RNF121: variants seen among roughly 807,000 people sequenced by gnomAD.
RNF121 encodes the protein ring finger protein 121, also known as E3 ubiquitin ligase RNF121.
Under a neutral mutation model 46.5 loss-of-function variants are expected in RNF121, and 21 were observed. That is an observed-to-expected ratio of 0.45 (90% CI 0.32 to 0.65). The LOEUF (loss-of-function observed/expected upper bound fraction) is 0.65, where lower values mean the gene tolerates loss of function less well. Ranked by LOEUF, RNF121 falls within the 30% of genes least tolerant of loss-of-function variation. The pLI is 0.04. For missense variants in RNF121, 346 were observed against 416.0 expected, an observed-to-expected ratio of 0.83 and a Z score of 1.46; for synonymous variants, 139 against 144.7, an observed-to-expected ratio of 0.96 and a Z score of 0.28.
chr11:71,966,171 C>G (rs917205069), intron 3 of RNF121, among the ~76,000 whole-genome samples: 3 of 152,152 alleles, frequency 2.0e-5, no homozygotes, highest in African/African-American at 7.2e-5. Context: ...AGGCGTGCGC[C>G]ACCATGCCCA....
intron 5 of RNF121, among the ~76,000 whole-genome samples, chr11:71,990,188 G>A (rs1334022611): frequency 6.6e-6 from 1 of 152,214 alleles, no homozygotes; most frequent in African/African-American, 2.4e-5. Flanking sequence ...TTCAACTTGA[G>A]TGGCTAGCTG....
intron 3 of RNF121, among the ~76,000 whole-genome samples, chr11:71,968,361 A>G (rs1421052404): frequency 2.0e-5 from 3 of 152,074 alleles, no homozygotes; most frequent in African/African-American, 7.2e-5. Context: ...CCCCCAGCCC[A>G]ATTTATGAAC....
intron 3 of RNF121, among the ~76,000 whole-genome samples, chr11:71,964,756 G>C (rs1264396224): frequency 6.6e-6 from 1 of 152,182 alleles, no homozygotes; most frequent in Non-Finnish European, 1.5e-5. Flanking sequence ...TGGGATTACA[G>C]GCGTGAGCCA....
rs35167855 is a variant in RNF121, at chr11:71,947,483, C to CAA, written c.64-9733_64-9732dup. Among the ~76,000 whole-genome samples, 511 of 145,400 alleles carry CAA rather than the reference C, an allele frequency of 3.5e-3. 1 individual carries two copies. The highest frequency in any genetic ancestry group is 1.0e-2 in the African/African-American group (396 of 39,604). Reference sequence around the variant, plus strand: ...CAACCTGAGTGACAAAGACCTGTCTCAAAAAAAAAAAAGGAATTGGGCAGT... The same window carrying CAA: ...CAACCTGAGTGACAAAGACCTGTCTCAAAAAAAAAAAAAAGGAATTGGGCAGT... On this transcript the variant is annotated intron_variant, in intron 1 of 8. Transcript: ENST00000361756.
rs979992766 is a variant in RNF121, at chr11:71,994,990, C to G, written c.761+138C>G. 24 of 1,173,688 alleles carry G rather than the reference C, an allele frequency of 2.0e-5. No homozygotes were observed. In the East Asian group the frequency reaches 2.6e-4, roughly 13 times the overall value. The allele number at this position is 1,173,688 out of a possible 1,614,324, so 72.7% of individuals were successfully genotyped here. On this transcript the variant is annotated intron_variant, in intron 7 of 8. Transcript: ENST00000361756. The stretch of plus-strand genomic sequence containing the variant: ...AGGAGAGCCACAAGAGGGCCACCTT[C>G]CCTACCCTTTCCCACAGATCAGAGC...
intron 3 of RNF121, among the ~76,000 whole-genome samples, chr11:71,969,047 G>A (rs774453195): frequency 1.3e-4 from 19 of 151,748 alleles, no homozygotes; most frequent in Non-Finnish European, 2.1e-4. Context: ...CACCATGCCC[G>A]GCTAATTTTT....
At chr11:71,977,982 T>G (rs1954564428) in intron 3 of RNF121, 1 of 274,188 alleles carries the variant, frequency 3.6e-6, no homozygotes, top group Admixed American at 5.1e-5. Flanking sequence ...TTTTAGCCAT[T>G]TATATGCCTT....
rs1221157314 is a variant in RNF121 at position 71,975,777 on chromosome 11, T to C, written c.244-6984T>C. On this transcript the variant is annotated intron_variant, in intron 3 of 8. Transcript: ENST00000361756. ...GACATAGTTCTAGGTATTAGAAGAG[T>C]AGTCATAAGAAACATGGAGTAAGTT... Among the ~76,000 whole-genome samples, 4 of 152,100 alleles carry C rather than the reference T, an allele frequency of 2.6e-5. No homozygotes were observed. The East Asian group carries it at 7.7e-4, about 29-fold the overall frequency.
intron 1 of RNF121, among the ~76,000 whole-genome samples, chr11:71,955,543 TCTTAAAGGATAA>T (rs1953971620): frequency 6.6e-6 from 1 of 152,106 alleles, no homozygotes; most frequent in Non-Finnish European, 1.5e-5. Flanking sequence ...GGAGCTGGGT[TCTTAAAGGATAA>T]CTAGGATGTA....
At chr11:71,964,928 G>A (rs1954238543) in intron 3 of RNF121, among the ~76,000 whole-genome samples, 1 of 152,266 alleles carries the variant, frequency 6.6e-6, no homozygotes, top group Middle Eastern at 3.4e-3. Flanking sequence ...CCCACAAGAG[G>A]TAAAGGCCTG....
chr11:71,988,218 C>T (rs1317932031), intron 5 of RNF121, among the ~76,000 whole-genome samples: 1 of 152,156 alleles, frequency 6.6e-6, no homozygotes, highest in East Asian at 1.9e-4. Context: ...TATTAGCTTA[C>T]AGGTCCTCCC....
At chr11:71,973,930 A>AT (rs1355556847) in intron 3 of RNF121, among the ~76,000 whole-genome samples, 2 of 152,092 alleles carry the variant, frequency 1.3e-5, no homozygotes, top group East Asian at 3.8e-4. Flanking sequence ...AAAGCCCTGT[A>AT]TTTTTTTGTT....
At chr11:71,970,866 C>T (rs1259267885) in intron 3 of RNF121, among the ~76,000 whole-genome samples, 1 of 152,004 alleles carries the variant, frequency 6.6e-6, no homozygotes, top group East Asian at 1.9e-4. Flanking sequence ...ACAAACAGAT[C>T]AGTGGGACAA....
intron 1 of RNF121, among the ~76,000 whole-genome samples, chr11:71,951,387 G>T (rs1057155223): frequency 1.3e-5 from 2 of 151,992 alleles, no homozygotes; most frequent in Non-Finnish European, 2.9e-5. Flanking sequence ...TTGTTGCCTT[G>T]AACCAATTTT....
chr11:71,972,478 G>A (rs1056320381), intron 3 of RNF121, among the ~76,000 whole-genome samples: 5 of 152,114 alleles, frequency 3.3e-5, no homozygotes, highest in South Asian at 2.1e-4. Context: ...GGTTGGTGGC[G>A]CAGCCTTTTA....
chr11:71,959,862 C>A (rs1277613204), intron 2 of RNF121, among the ~76,000 whole-genome samples: 1 of 152,172 alleles, frequency 6.6e-6, no homozygotes, highest in African/African-American at 2.4e-5. Flanking sequence ...TCGTTAACTC[C>A]TGACCTCACG....
At chr11:71,981,433 T>G (rs560986593) in intron 3 of RNF121, among the ~76,000 whole-genome samples, 38 of 152,230 alleles carry the variant, frequency 2.5e-4, no homozygotes, top group African/African-American at 8.4e-4. Context: ...TGTTGTTGTT[T>G]TTTTTAAAAA....
At chr11:71,940,296 G>A (rs983080735) in intron 1 of RNF121, among the ~76,000 whole-genome samples, 2 of 152,170 alleles carry the variant, frequency 1.3e-5, no homozygotes, top group East Asian at 3.8e-4. Context: ...TGGAAAGATA[G>A]TGGCCATAAT....
chr11:71,950,058 C>A (rs1045933101), intron 1 of RNF121, among the ~76,000 whole-genome samples: 4 of 151,642 alleles, frequency 2.6e-5, no homozygotes, highest in African/African-American at 9.7e-5. Flanking sequence ...AACCCAAAAA[C>A]AAACAAAAAA....
Sources: allele counts gnomAD v4.1 joint callset (sites outside exome capture counted in the v4.1 genomes callset), GRCh38; gene constraint gnomAD v4.1.1; transcripts MANE v1.5; gene names NCBI Gene and HGNC (gene_info 2026-07-23, HGNC 2026-07-21).